SLC17A8: variants seen among roughly 807,000 people sequenced by gnomAD.
SLC17A8 encodes the protein solute carrier family 17 member 8.
A neutral mutation model predicts 58.0 loss-of-function variants in SLC17A8; 31 were observed. That is an observed-to-expected ratio of 0.53 (90% CI 0.40 to 0.72). The LOEUF is 0.72. SLC17A8 is among the 30% of genes least tolerant of loss of function. The pLI is 0.00. For missense variants in SLC17A8, 655 were observed against 727.8 expected, an observed-to-expected ratio of 0.90 and a Z score of 1.15; for synonymous variants, 228 against 249.0, an observed-to-expected ratio of 0.92 and a Z score of 0.79.
intron 9 of SLC17A8, among the ~76,000 whole-genome samples, chr12:100,409,799 T>A (rs1226035615): frequency 3.3e-5 from 5 of 152,112 alleles, no homozygotes; most frequent in Non-Finnish European, 5.9e-5. Context: ...CATGAGATAG[T>A]ATTGTGTGGT....
rs1200872358 is a variant in SLC17A8 at position 100,419,997 on chromosome 12, T to C, written c.1608T>C (p.His536=). 3.7e-6 allele frequency: 6 copies of C among 1,613,980 alleles called. No homozygotes were observed. In the South Asian group the frequency reaches 4.4e-5, roughly 12 times the overall value. Reference sequence around the variant, plus strand: ...TAGCTGAGGAGATAGAACTCAACCATGAGAGTTTTGCGAGTCCCAAAAAGA... The same window carrying C: ...TAGCTGAGGAGATAGAACTCAACCACGAGAGTTTTGCGAGTCCCAAAAAGA... ...DELAEEIELN[H]ESFASPKKKM... is the part of the protein sequence containing the mutation. Residue 536 remains histidine (H), a synonymous_variant, in exon 12 of 12, where the codon CAT becomes CAC. Transcript: ENST00000323346.
At chr12:100,399,157 GA>G (rs914798456) in intron 5 of SLC17A8, among the ~76,000 whole-genome samples, 43 of 152,252 alleles carry the variant, frequency 2.8e-4, no homozygotes, top group African/African-American at 1.0e-3. Context: ...AGTGAGGGCC[GA>G]ACCGGGGGCT....
At chr12:100,419,735 C>T in intron 11 of SLC17A8, 80 bp from the exon 12 acceptor site, 1 of 1,418,150 alleles carries the variant, frequency 7.1e-7, no homozygotes, top group East Asian at 2.3e-5. Flanking sequence ...GGTGCTTTTT[C>T]ACAGTGGAGG....
At chr12:100,398,953 CA>C (rs1313042713) in intron 5 of SLC17A8, among the ~76,000 whole-genome samples, 1 of 152,116 alleles carries the variant, frequency 6.6e-6, no homozygotes, top group Non-Finnish European at 1.5e-5. Context: ...TGCCTTCTGC[CA>C]TGATTGTGAG....
chr12:100,420,016 A>G lies in SLC17A8; in HGVS notation c.1627A>G (p.Lys543Glu). The change falls in exon 12 of 12, where the codon AAA becomes GAA. Residue 543 changes from lysine (K) to glutamate (E), a missense_variant. By Grantham distance (56) the Lys-to-Glu change is moderately conservative. Coordinates refer to ENST00000323346, the MANE Select transcript of SLC17A8 (RefSeq NM_139319.3). ...ELNHESFASP[K>E]KKMSYGATSQ... Reference sequence around the variant, plus strand: ...CAACCATGAGAGTTTTGCGAGTCCCAAAAAGAAGATGTCTTATGGAGCCAC... The same window carrying G: ...CAACCATGAGAGTTTTGCGAGTCCCGAAAAGAAGATGTCTTATGGAGCCAC... 1.2e-6 allele frequency: 2 copies of G among 1,614,018 alleles called. No homozygotes were observed. Among genetic ancestry groups the G allele is most frequent in the Non-Finnish European group, 1.7e-6 (2 of 1,179,922 alleles).
intron 8 of SLC17A8, among the ~76,000 whole-genome samples, chr12:100,403,800 T>C (rs1017692295): frequency 6.6e-6 from 1 of 152,174 alleles, no homozygotes; most frequent in African/African-American, 2.4e-5. Flanking sequence ...TGAATAAAAG[T>C]CATCGCTGCC....
chr12:100,410,854 G>A (rs533210506), intron 9 of SLC17A8, among the ~76,000 whole-genome samples: 16 of 152,128 alleles, frequency 1.1e-4, no homozygotes, highest in African/African-American at 3.9e-4. Flanking sequence ...TTTCTGCATC[G>A]GACTTCTGGC....
intron 1 of SLC17A8, among the ~76,000 whole-genome samples, 156 bp downstream of exon 1, chr12:100,357,648 T>C (rs1264240171): frequency 6.6e-6 from 1 of 152,168 alleles, no homozygotes. Flanking sequence ...CAGTAGTCTA[T>C]GCCTGGAGGA....
chr12:100,366,837 G>A (rs1952523798), intron 1 of SLC17A8, among the ~76,000 whole-genome samples: 1 of 152,184 alleles, frequency 6.6e-6, no homozygotes, highest in Non-Finnish European at 1.5e-5. Flanking sequence ...GGAGCACCAT[G>A]TTCTGTGAGT....
At chr12:100,412,111 G>A in intron 9 of SLC17A8, among the ~76,000 whole-genome samples, 1 of 152,104 alleles carries the variant, frequency 6.6e-6, no homozygotes, top group Non-Finnish European at 1.5e-5. Context: ...CAATGGCAGG[G>A]ACAGCTACCC....
intron 1 of SLC17A8, among the ~76,000 whole-genome samples, chr12:100,368,427 C>T (rs1952535161): frequency 6.6e-6 from 1 of 152,232 alleles, no homozygotes; most frequent in South Asian, 2.1e-4. Context: ...CTCATGTTAA[C>T]TTGATTACAT....
intron 1 of SLC17A8, among the ~76,000 whole-genome samples, chr12:100,378,267 C>T (rs952824541): frequency 2.2e-4 from 33 of 152,092 alleles, no homozygotes; most frequent in African/African-American, 7.7e-4. Flanking sequence ...ATAAAATGGC[C>T]AAGAAAGAGA....
chr12:100,368,481 C>CG (rs1952535532), intron 1 of SLC17A8, among the ~76,000 whole-genome samples: 1 of 152,136 alleles, frequency 6.6e-6, no homozygotes, highest in African/African-American at 2.4e-5. Flanking sequence ...TCACAGGTAT[C>CG]GGGGGTTAGA....
chr12:100,368,875 A>G (rs1484682602), intron 1 of SLC17A8, among the ~76,000 whole-genome samples: 2 of 152,232 alleles, frequency 1.3e-5, no homozygotes, highest in African/African-American at 4.8e-5. Context: ...AACACATAGA[A>G]ATAGGCTCCA....
Position 100,380,786 on chromosome 12 carries a change from C to A in SLC17A8, c.187C>A (p.Pro63Thr). ...GGTGCAGACGTCCAGGCCAAGCCCCCCACTCTGCGACTGCCACTGCTGCGG... is the reference window on the plus strand; with the variant it reads ...GGTGCAGACGTCCAGGCCAAGCCCCACACTCTGCGACTGCCACTGCTGCGG... ...RPVQTSRPSPPLCDCHCCGLP... is the reference protein window; with the variant it reads ...RPVQTSRPSPTLCDCHCCGLP... The change falls in exon 2 of 12, where the codon CCA becomes ACA. Residue 63 changes from proline to threonine, a missense_variant. Pro to Thr is a conservative substitution (Grantham distance 38). Transcript: ENST00000323346. The A allele has an allele frequency of 1.2e-6, 2 of 1,614,100 alleles. No individual in the cohort carries two copies. The highest frequency in any genetic ancestry group is 1.7e-6 in the Non-Finnish European group (2 of 1,180,018).
In SLC17A8 at chr12:100,420,034, G is replaced by A. The variant is rs201679317; in HGVS notation, c.1645G>A (p.Gly549Arg). The A allele has an allele frequency of 4.7e-4, 760 of 1,613,926 alleles. No individual in the cohort carries two copies. The highest frequency in any genetic ancestry group is 6.2e-4 in the Non-Finnish European group (726 of 1,179,974). Residue 549 changes from glycine to arginine, a missense_variant, in exon 12 of 12, where the codon GGA becomes AGA. Transcript: ENST00000323346. ...GAGTCCCAAAAAGAAGATGTCTTATGGAGCCACCTCCCAGAATTGTGAAGT... is the reference window on the plus strand; with the variant it reads ...GAGTCCCAAAAAGAAGATGTCTTATAGAGCCACCTCCCAGAATTGTGAAGT... ...FASPKKKMSYGATSQNCEVQK... is the reference protein window; with the variant it reads ...FASPKKKMSYRATSQNCEVQK...
rs1159446860 is a variant in SLC17A8, at chr12:100,421,749, G to A, written c.*1590G>A. On this transcript the variant is annotated 3_prime_UTR_variant, in exon 12 of 12. Transcript: ENST00000323346. ...TGAGTTGTAGTGTATTTTATAAATG[G>A]AATAATCTTGGGGAAAAATTGCGAT... 1 of 141,874 alleles carries A rather than the reference G, an allele frequency of 7.0e-6. No individual in the cohort carries two copies. The highest frequency in any genetic ancestry group is 1.5e-5 in the Non-Finnish European group (1 of 66,558). 8.8% of individuals were successfully genotyped at this position (141,874 alleles called of 1,614,324 possible).
intron 11 of SLC17A8, 95 bp from the exon 12 acceptor site, chr12:100,419,720 G>T: frequency 8.2e-7 from 1 of 1,219,930 alleles, no homozygotes; most frequent in African/African-American, 1.5e-5. Flanking sequence ...CCTTCCAAAT[G>T]GGCAGGTGCT....
chr12:100,357,580 A>C lies in SLC17A8; in HGVS notation c.101+88A>C, dbSNP rs1952456265. ...GACTTGGTATCACGTTTTTAAAACCACACTTTAATGAGGAGAGGATGGGTC... is the reference window on the plus strand; with the variant it reads ...GACTTGGTATCACGTTTTTAAAACCCCACTTTAATGAGGAGAGGATGGGTC... On this transcript the variant is annotated intron_variant, in intron 1 of 11. Transcript: ENST00000323346. The C allele has an allele frequency of 6.8e-6, 6 of 883,736 alleles. 1 individual carries two copies. The highest frequency in any genetic ancestry group is 1.1e-5 in the Non-Finnish European group (6 of 526,298). The allele number at this position is 883,736 out of a possible 1,614,324, so 54.7% of individuals were successfully genotyped here.
Sources: allele counts gnomAD v4.1 joint callset (sites outside exome capture counted in the v4.1 genomes callset), GRCh38; gene constraint gnomAD v4.1.1; transcripts MANE v1.5; gene names NCBI Gene and HGNC (gene_info 2026-07-23, HGNC 2026-07-21).